CSMD1: variants seen among roughly 807,000 people sequenced by gnomAD.
CSMD1 encodes CUB and Sushi multiple domains 1, also known as CUB and sushi domain-containing protein 1.
In CSMD1, 213 loss-of-function variants were observed where a neutral mutation model predicts 417.5. The ratio of observed to expected loss-of-function variants is 0.51; its 90% CI spans 0.46 to 0.57. The LOEUF (loss-of-function observed/expected upper bound fraction) is 0.57. Among genes scored for constraint, CSMD1 ranks in the 20% least tolerant of loss-of-function variants. CSMD1 has a pLI of 0.00. For missense variants in CSMD1, 6,923 were observed against 4,529.7 expected (o/e 1.53, Z -15.17); for synonymous variants, 2,862 against 1,736.8 (o/e 1.65, Z -16.11).
chr8:3,284,267 G>A lies in CSMD1; in HGVS notation c.4030C>T (p.Leu1344=), dbSNP rs760317718. The change falls in exon 26 of 70, where the codon CTG becomes TTG. Residue 1344 remains leucine, a synonymous_variant. Coordinates refer to ENST00000635120, the MANE Select transcript of CSMD1 (RefSeq NM_033225.6). ...GCGGAGCCACTCCACTCCTTCAGCA[G>A]GATGTCACTGTCCACCGGCCCGTCC... is the stretch of plus-strand genomic sequence containing the variant. ...VWDGPVDSDI[L]LKEWSGSALP... 55 of 1,613,948 alleles carry A rather than the reference G, an allele frequency of 3.4e-5. No homozygotes were observed. The South Asian group carries it at 5.8e-4, about 17-fold the overall frequency.
intron 49 of CSMD1, among the ~76,000 whole-genome samples, chr8:3,082,563 A>AT (rs1814182306): frequency 6.6e-6 from 1 of 152,128 alleles, no homozygotes; most frequent in Non-Finnish European, 1.5e-5. Flanking sequence ...AGCTGGGAAT[A>AT]TTTTTTATTC....
At chr8:3,088,407 T>C (rs79144655) in intron 48 of CSMD1, among the ~76,000 whole-genome samples, 2,170 of 152,286 alleles carry the variant, frequency 0.014, 31 homozygotes, top group Middle Eastern at 0.027. Context: ...GATCTTCCAC[T>C]TCCCTCTGGG....
intron 8 of CSMD1, among the ~76,000 whole-genome samples, chr8:3,606,072 T>C (rs1195533351): frequency 1.3e-5 from 2 of 152,112 alleles, no homozygotes; most frequent in Admixed American, 6.5e-5. Context: ...CATAAATACA[T>C]GTATAAAACT....
chr8:4,646,679 A>G lies in CSMD1; in HGVS notation c.86-9121T>C, dbSNP rs553011721. On this transcript the variant is annotated intron_variant, in intron 1 of 69. Transcript: ENST00000635120. ...CAACAAGGCATATTTTAAAATTGTA[A>G]TACCATGCTCTATTTTAATGCTTAG... Among the ~76,000 whole-genome samples the G allele has an allele frequency of 8.5e-5, 13 of 152,306 alleles. No homozygotes were observed. In the South Asian group the frequency reaches 2.7e-3, roughly 32 times the overall value.
chr8:4,483,899 G>C (rs989136892), intron 2 of CSMD1, among the ~76,000 whole-genome samples: 2 of 152,158 alleles, frequency 1.3e-5, no homozygotes, highest in African/African-American at 4.8e-5. Flanking sequence ...GAAAGGGTTT[G>C]CTTATTCAGG....
At chr8:3,998,464 T>C (rs17330611) in intron 4 of CSMD1, among the ~76,000 whole-genome samples, 1,944 of 152,288 alleles carry the variant, frequency 0.013, 19 homozygotes, top group Middle Eastern at 0.037. Context: ...GTAAGCAACA[T>C]TTTGAGACTT....
chr8:4,528,632 G>A (rs1796638768), intron 2 of CSMD1, among the ~76,000 whole-genome samples: 1 of 152,134 alleles, frequency 6.6e-6, no homozygotes, highest in Admixed American at 6.6e-5. Context: ...TTGATGTATA[G>A]GTTTATGGCA....
intron 69 of CSMD1, among the ~76,000 whole-genome samples, chr8:2,939,072 C>T (rs1473965588): frequency 6.6e-6 from 1 of 152,218 alleles, no homozygotes; most frequent in African/African-American, 2.4e-5. Flanking sequence ...TCAGGCGATC[C>T]TCCCACCTCA....
chr8:4,206,195 C>G (rs966844603), intron 3 of CSMD1, among the ~76,000 whole-genome samples: 2 of 147,744 alleles, frequency 1.4e-5, no homozygotes, highest in South Asian at 2.1e-4. Context: ...ATGAGGATTT[C>G]TTTTTCTTTT....
At chr8:4,196,958 G>A (rs570591501) in intron 3 of CSMD1, among the ~76,000 whole-genome samples, 2 of 152,116 alleles carry the variant, frequency 1.3e-5, no homozygotes, top group African/African-American at 2.4e-5. Context: ...TCCAATTTTA[G>A]TCATTTGAGC....
chr8:3,631,489 G>A (rs929945342), intron 7 of CSMD1, among the ~76,000 whole-genome samples: 6 of 152,202 alleles, frequency 3.9e-5, no homozygotes, highest in African/African-American at 1.4e-4. Context: ...TGAGGAGCAG[G>A]CAGATAGGCC....
chr8:3,869,128 T>C (rs989742212), intron 5 of CSMD1, among the ~76,000 whole-genome samples: 2 of 152,104 alleles, frequency 1.3e-5, no homozygotes, highest in African/African-American at 4.8e-5. Context: ...AGCCAAGAGC[T>C]CCAGCTCCAC....
At chr8:4,886,591 T>G (rs986736906) in intron 1 of CSMD1, among the ~76,000 whole-genome samples, 2 of 151,952 alleles carry the variant, frequency 1.3e-5, no homozygotes, top group Non-Finnish European at 2.9e-5. Flanking sequence ...TCTTTAATTG[T>G]TTCATATAAT....
In CSMD1 at chr8:3,091,504, T is replaced by G. The variant is rs751348857; in HGVS notation, c.7285+12A>C. 8 of 1,584,958 alleles carry G rather than the reference T, an allele frequency of 5.0e-6. No homozygotes were observed. The highest frequency in any genetic ancestry group is 6.8e-6 in the Non-Finnish European group (8 of 1,170,624). On this transcript the variant is annotated intron_variant, in intron 48 of 69. Transcript: ENST00000635120. ...AATACTTTCATATAAAATCTAAACC[T>G]CATTTACTTACCTGCATAGCGAATC...
intron 3 of CSMD1, among the ~76,000 whole-genome samples, chr8:4,105,831 C>A (rs1343403743): frequency 2.0e-5 from 3 of 152,192 alleles, no homozygotes; most frequent in African/African-American, 7.2e-5. Flanking sequence ...ACCCCTTTTG[C>A]TGAGGCCATG....
intron 10 of CSMD1, among the ~76,000 whole-genome samples, chr8:3,560,997 T>C (rs961078522): frequency 2.0e-5 from 3 of 152,202 alleles, no homozygotes; most frequent in African/African-American, 4.8e-5. Context: ...CCACTCATTA[T>C]TTAACAGCAA....
chr8:3,594,463 G>A (rs1026063449), intron 8 of CSMD1, among the ~76,000 whole-genome samples: 1 of 151,970 alleles, frequency 6.6e-6, no homozygotes, highest in Non-Finnish European at 1.5e-5. Flanking sequence ...AACCACCACA[G>A]CAAAACCCTG....
chr8:3,900,243 G>A (rs1028381022), intron 5 of CSMD1, among the ~76,000 whole-genome samples: 2 of 150,994 alleles, frequency 1.3e-5, no homozygotes, highest in South Asian at 4.2e-4. Context: ...GTGGAGCTGG[G>A]TAACAGGGCA....
chr8:4,379,705 G>T (rs201360041), intron 3 of CSMD1, among the ~76,000 whole-genome samples: 4 of 57,686 alleles, frequency 6.9e-5, no homozygotes, highest in Admixed American at 3.0e-4. Context: ...CAACAATGGC[G>T]GGAAGAGGGC....
Sources: allele counts gnomAD v4.1 joint callset (sites outside exome capture counted in the v4.1 genomes callset), GRCh38; gene constraint gnomAD v4.1.1; transcripts MANE v1.5; gene names NCBI Gene and HGNC (gene_info 2026-07-23, HGNC 2026-07-21).